Variants in CSMD3 observed in about 807,000 individuals in gnomAD.
The protein encoded by CSMD3 is CUB and sushi domain-containing protein 3.
A neutral mutation model predicts 435.2 loss-of-function variants in CSMD3; 177 were observed. The observed-to-expected ratio is 0.41, with a 90% CI of 0.36 to 0.46. CSMD3 has a LOEUF of 0.46. Ranked by LOEUF, CSMD3 falls within the 20% of genes least tolerant of loss-of-function variation. The pLI is 0.34. For missense variants in CSMD3, 4,265 were observed against 4,504.6 expected, an observed-to-expected ratio of 0.95 and a Z score of 1.52; for synonymous variants, 1,656 against 1,520.5, an observed-to-expected ratio of 1.09 and a Z score of -2.07.
chr8:113,287,193 A>T (rs2093653163), intron 2 of CSMD3, among the ~76,000 whole-genome samples: 1 of 152,016 alleles, frequency 6.6e-6, no homozygotes, highest in African/African-American at 2.4e-5. Context: ...CGACCAGCAT[A>T]AGCACAGTGA....
chr8:112,954,750 T>C lies in CSMD3; in HGVS notation c.1354A>G (p.Ile452Val), dbSNP rs1476618416. The C allele has an allele frequency of 3.8e-6, 6 of 1,578,232 alleles. No homozygotes were observed. In the South Asian group the frequency reaches 5.5e-5, roughly 15 times the overall value. The change falls in exon 8 of 71, where the codon ATA becomes GTA. Residue 452 changes from isoleucine (I) to valine (V), a missense_variant. By Grantham distance (29) the Ile-to-Val change is conservative (BLOSUM62 3). This residue lies in a region of CSMD3 where 731 missense variants were observed against 755.4 expected (regional missense o/e 0.97). Transcript: ENST00000297405. ...AVVTHRVKKA[I>V]DFKSRGFKLF... ...TTAAATCCTCTAGATTTAAAATCTA[T>C]GGCCTTTTTCACTAGTTAAGAAAAC...
At chr8:113,298,076 T>C (rs1212580734) in intron 2 of CSMD3, among the ~76,000 whole-genome samples, 4 of 151,994 alleles carry the variant, frequency 2.6e-5, no homozygotes, top group African/African-American at 9.7e-5. Flanking sequence ...TGTCAAATAA[T>C]AGAGAATAGT....
chr8:112,402,409 A>G (rs958536131), intron 35 of CSMD3, among the ~76,000 whole-genome samples: 4 of 152,174 alleles, frequency 2.6e-5, no homozygotes, highest in African/African-American at 9.6e-5. Flanking sequence ...TAATTCATAC[A>G]TTTACATTTC....
At chr8:113,183,773 T>C (rs929627124) in intron 3 of CSMD3, among the ~76,000 whole-genome samples, 1 of 151,962 alleles carries the variant, frequency 6.6e-6, no homozygotes, top group Admixed American at 6.6e-5. Context: ...ATACATGCAG[T>C]GTGTAATGAT....
At chr8:112,947,493 A>G (rs886637412) in intron 9 of CSMD3, among the ~76,000 whole-genome samples, 3 of 151,572 alleles carry the variant, frequency 2.0e-5, no homozygotes, top group African/African-American at 4.8e-5. Context: ...CAGACAACTA[A>G]TAAGTAGCAA....
At chr8:112,755,836 C>T (rs2077685541) in intron 13 of CSMD3, among the ~76,000 whole-genome samples, 2 of 148,910 alleles carry the variant, frequency 1.3e-5, no homozygotes. Flanking sequence ...TTAATATATA[C>T]TTTGTTAATA....
At chr8:113,253,388 C>T (rs2093351046) in intron 3 of CSMD3, among the ~76,000 whole-genome samples, 1 of 152,118 alleles carries the variant, frequency 6.6e-6, no homozygotes, top group African/African-American at 2.4e-5. Context: ...CTCTCCCCAC[C>T]CCACGACAGG....
chr8:112,662,507 T>G lies in CSMD3; in HGVS notation c.2816+3770A>C, dbSNP rs571323574. The stretch of plus-strand genomic sequence containing the variant: ...GAAACTGGATCCCTTCCTTACACCT[T>G]ATACAAAAATTAATTCAAGATGGAT... On this transcript the variant is annotated intron_variant, in intron 17 of 70. Coordinates refer to ENST00000297405, the MANE Select transcript of CSMD3 (RefSeq NM_198123.2). Among the ~76,000 whole-genome samples the G allele has an allele frequency of 1.4e-4, 22 of 152,140 alleles. No homozygotes were observed. In the East Asian group the frequency reaches 3.7e-3, roughly 26 times the overall value.
Position 112,696,960 on chromosome 8 carries a change from C to A in CSMD3, c.1973-6910G>T, listed in dbSNP as rs568189097. ...CAAAAGAAGACATTTATGCAGCCAA[C>A]AAACACATGAAAAAAATGCTCATCA... is the stretch of plus-strand genomic sequence containing the variant. On this transcript the variant is annotated intron_variant, in intron 13 of 70. Coordinates refer to ENST00000297405, the MANE Select transcript of CSMD3 (RefSeq NM_198123.2). Among the ~76,000 whole-genome samples the A allele has an allele frequency of 3.1e-3, 469 of 152,156 alleles. 1 individual carries two copies. The highest frequency in any genetic ancestry group is 0.01 in the African/African-American group (430 of 41,522).
chr8:113,280,296 A>AC (rs780019264), intron 2 of CSMD3, among the ~76,000 whole-genome samples: 17 of 151,598 alleles, frequency 1.1e-4, no homozygotes, highest in Non-Finnish European at 2.4e-4. Context: ...CTGGTCTTGG[A>AC]CTTTTTTTCG....
intron 2 of CSMD3, among the ~76,000 whole-genome samples, chr8:113,300,870 G>A (rs543900106): frequency 2.6e-5 from 4 of 152,104 alleles, no homozygotes; most frequent in African/African-American, 9.6e-5. Flanking sequence ...TATTATACAA[G>A]TGTGACAAAT....
chr8:112,655,112 A>G (rs1489615601), intron 18 of CSMD3, among the ~76,000 whole-genome samples: 3 of 152,156 alleles, frequency 2.0e-5, no homozygotes, highest in Non-Finnish European at 2.9e-5. Flanking sequence ...AGATGATTTA[A>G]AAAAACTAAT....
At chr8:112,422,560 C>T (rs935231971) in intron 32 of CSMD3, among the ~76,000 whole-genome samples, 8 of 152,120 alleles carry the variant, frequency 5.3e-5, no homozygotes, top group Non-Finnish European at 1.2e-4. Flanking sequence ...GGTGTGTGCC[C>T]TTGAACATGC....
intron 13 of CSMD3, among the ~76,000 whole-genome samples, chr8:112,768,115 T>C (rs1488178081): frequency 6.6e-6 from 1 of 151,598 alleles, no homozygotes; most frequent in Non-Finnish European, 1.5e-5. Flanking sequence ...TTTCTTTTAA[T>C]CAAAACTCAG....
intron 1 of CSMD3, among the ~76,000 whole-genome samples, chr8:113,387,464 A>G (rs1337954351): frequency 1.3e-5 from 2 of 151,792 alleles, no homozygotes; most frequent in Non-Finnish European, 3.0e-5. Context: ...AACAAAGATA[A>G]ATAAGATAAA....
At chr8:113,050,028 G>C (rs529184618) in intron 5 of CSMD3, among the ~76,000 whole-genome samples, 1 of 152,026 alleles carries the variant, frequency 6.6e-6, no homozygotes, top group Non-Finnish European at 1.5e-5. Flanking sequence ...GGTACAATCA[G>C]TTCTCTTTAG....
At chr8:112,932,044 TCA>T (rs2083126378) in intron 9 of CSMD3, among the ~76,000 whole-genome samples, 2 of 152,092 alleles carry the variant, frequency 1.3e-5, no homozygotes, top group Non-Finnish European at 2.9e-5. Flanking sequence ...TGAAGAGTTC[TCA>T]AAAAACTAAA....
At chr8:112,540,307 G>A (rs1826538394) in intron 27 of CSMD3, among the ~76,000 whole-genome samples, 1 of 151,914 alleles carries the variant, frequency 6.6e-6, no homozygotes, top group Non-Finnish European at 1.5e-5. Context: ...GCAAAAAAAA[G>A]AGGGAATGCT....
intron 17 of CSMD3, among the ~76,000 whole-genome samples, chr8:112,658,027 C>T (rs1248867581): frequency 1.3e-5 from 2 of 152,092 alleles, no homozygotes; most frequent in Non-Finnish European, 2.9e-5. Context: ...ATGTATTTTA[C>T]AGTTAAAAAT....
Sources: gnomAD v4.1 joint callset for allele counts (sites outside exome capture counted in the v4.1 genomes callset) on GRCh38, gnomAD v4.1.1 for gene constraint, gnomAD v4.1.1 regional missense constraint, MANE v1.5 for transcripts, NCBI Gene and HGNC (gene_info 2026-07-23, HGNC 2026-07-21) for gene names.